The following LY75 variants were observed in gnomAD, a reference collection of about 807,000 sequenced individuals.
The protein encoded by LY75 is C-type lectin domain family 13 member B.
A neutral mutation model predicts 231.7 loss-of-function variants in LY75; 185 were observed. The observed-to-expected ratio is 0.80, with a 90% CI of 0.71 to 0.90. The LOEUF (loss-of-function observed/expected upper bound fraction) is 0.90. Among genes scored for constraint, LY75 ranks in the 40% least tolerant of loss-of-function variants. The pLI, the probability that LY75 is intolerant of heterozygous loss-of-function variation, is 0.00. For synonymous variants in LY75, 668 were observed against 689.0 expected (o/e 0.97, Z 0.48); for missense variants, 1,947 against 2,050.2 (o/e 0.95, Z 0.97).
At chr2:159,831,283 C>T (rs75846911) in intron 28 of LY75, among the ~76,000 whole-genome samples, 24,447 of 152,050 alleles carry the variant, frequency 0.16, 2,266 homozygotes, top group East Asian at 0.32. Flanking sequence ...CCTGCTCCAC[C>T]ATAGTAAAAC....
intron 12 of LY75, among the ~76,000 whole-genome samples, chr2:159,874,190 ATATATT>A (rs1685120190): frequency 2.6e-5 from 3 of 115,102 alleles, no homozygotes; most frequent in Non-Finnish European, 5.2e-5. Context: ...ATATATATAA[ATATATT>A]GTAAATATAT....
At chr2:159,874,626 A>ATGTACATATTTT (rs1466868334) in intron 12 of LY75, among the ~76,000 whole-genome samples, 1 of 15,814 alleles carries the variant, frequency 6.3e-5, no homozygotes, top group African/African-American at 2.8e-4. Flanking sequence ...ATATATATAT[A>ATGTACATATTTT]GTAAATATAT....
At chr2:159,859,613 C>T (rs1292012917) in intron 15 of LY75, among the ~76,000 whole-genome samples, 3 of 152,148 alleles carry the variant, frequency 2.0e-5, no homozygotes, top group African/African-American at 7.2e-5. Flanking sequence ...AATCAATACC[C>T]TTTCTATTTC....
Position 159,834,165 on chromosome 2 carries a change from T to G in LY75, c.3720A>C (p.Pro1240=). 1.9e-6 allele frequency: 3 copies of G among 1,614,078 alleles called. No homozygotes were observed. The highest frequency in any genetic ancestry group is 2.5e-6 in the Non-Finnish European group (3 of 1,179,950). Residue 1240 remains proline, a synonymous_variant, in exon 27 of 35, where the codon CCA becomes CCC. Transcript: ENST00000263636. The part of the protein sequence containing the change: ...EVKPVDSVKC[P]SPVLNTPWIP... ...TCCACGGAGTATTTAGAACAGGAGA[T>G]GGACATTTAACACTGTCAACTGGTT...
intron 27 of LY75, among the ~76,000 whole-genome samples, chr2:159,832,242 C>T (rs964563458): frequency 1.3e-5 from 2 of 152,170 alleles, no homozygotes; most frequent in African/African-American, 4.8e-5. Context: ...CTGTTAGGAA[C>T]CGGGCCATAC....
At chr2:159,829,933 T>C (rs1383607247) in intron 28 of LY75, among the ~76,000 whole-genome samples, 1 of 152,190 alleles carries the variant, frequency 6.6e-6, no homozygotes, top group African/African-American at 2.4e-5. Flanking sequence ...ACAATTTCAA[T>C]CTCTCTGTCC....
At chr2:159,867,234 T>G (rs1314876286) in intron 13 of LY75, among the ~76,000 whole-genome samples, 1 of 152,230 alleles carries the variant, frequency 6.6e-6, no homozygotes, top group Non-Finnish European at 1.5e-5. Flanking sequence ...CTCACTAGCA[T>G]GTCATAAATA....
rs1313355173 is a variant in LY75, at chr2:159,853,562, A to G, written c.2663+68T>C. The G allele has an allele frequency of 1.1e-5, 17 of 1,601,348 alleles. No homozygotes were observed. The Admixed American group carries it at 2.5e-4, about 24-fold the overall frequency. On this transcript the variant is annotated intron_variant, in intron 19 of 34. Transcript: ENST00000263636. ...TCAAACTACTTATAAATAGAAATCC[A>G]TTTAGTAAAAGGAACTGCTTCTTTT...
chr2:159,872,335 G>A lies in LY75; in HGVS notation c.2117+116C>T, dbSNP rs551565800. ...CTGCTAAGCACCAAATGACCTTTTAGATAATAAAACATGTCCATTTTTTTT... is the reference window on the plus strand; with the variant it reads ...CTGCTAAGCACCAAATGACCTTTTAAATAATAAAACATGTCCATTTTTTTT... On this transcript the variant is annotated intron_variant, in intron 13 of 34. Coordinates refer to ENST00000263636, the MANE Select transcript of LY75 (RefSeq NM_002349.4). The A allele has an allele frequency of 6.6e-6, 9 of 1,356,228 alleles. No individual in the cohort carries two copies. In the East Asian group the frequency reaches 2.1e-4, roughly 32 times the overall value. 84.0% of individuals were successfully genotyped at this position (1,356,228 alleles called of 1,614,324 possible). A position where few individuals can be genotyped will look rare whatever the true frequency, so the allele number is the denominator to read the frequency against.
chr2:159,900,474 C>T (rs1238222386), intron 1 of LY75, among the ~76,000 whole-genome samples: 1 of 152,166 alleles, frequency 6.6e-6, no homozygotes, highest in Non-Finnish European at 1.5e-5. Flanking sequence ...AGCAGAAAGA[C>T]CTGTAAAATT....
intron 12 of LY75, among the ~76,000 whole-genome samples, chr2:159,874,080 A>G (rs1685103154): frequency 7.2e-6 from 1 of 139,680 alleles, no homozygotes; most frequent in African/African-American, 2.6e-5. Context: ...AAAAATATAT[A>G]AACGTATATA....
At chr2:159,861,609 G>A (rs537086678) in intron 14 of LY75, among the ~76,000 whole-genome samples, 1 of 151,036 alleles carries the variant, frequency 6.6e-6, no homozygotes, top group Non-Finnish European at 1.5e-5. Context: ...TTAGCTGGAT[G>A]TGGTGGCATG....
chr2:159,854,421 C>A lies in LY75; in HGVS notation c.2534G>T (p.Ser845Ile). The A allele has an allele frequency of 6.4e-7, 1 of 1,562,822 alleles. No individual in the cohort carries two copies. Among genetic ancestry groups the A allele is most frequent in the Non-Finnish European group, 8.7e-7 (1 of 1,148,794 alleles). ...AAAAGATGTTATAGTTGCAAGAAAGCTGTGATTGCTGGCACAGTACAGGAC... is the reference window on the plus strand; with the variant it reads ...AAAAGATGTTATAGTTGCAAGAAAGATGTGATTGCTGGCACAGTACAGGAC... ...EAVLYCASNH[S>I]FLATITSFVG... The change falls in exon 18 of 35, where the codon AGC becomes ATC. Residue 845 changes from serine to isoleucine, a missense_variant. Transcript: ENST00000263636.
chr2:159,818,255 A>T (rs1683182363), intron 29 of LY75, among the ~76,000 whole-genome samples: 1 of 152,090 alleles, frequency 6.6e-6, no homozygotes, highest in Non-Finnish European at 1.5e-5. Context: ...GAAAAGAGGT[A>T]ACTTTGCAGC....
intron 31 of LY75, among the ~76,000 whole-genome samples, chr2:159,813,662 A>G (rs1162117676): frequency 6.6e-6 from 1 of 152,156 alleles, no homozygotes; most frequent in Admixed American, 6.5e-5. Context: ...TAAGGACACT[A>G]GTCATTGGAT....
rs41264209 is a variant in LY75 at position 159,853,419 on chromosome 2, G to A, written c.2664-67C>T. 9.8e-3 allele frequency: 15,343 copies of A among 1,558,918 alleles called. 109 individuals are homozygous for A. The highest frequency in any genetic ancestry group is 0.036 in the Admixed American group (2,028 of 56,472). ...GGTGTTCCATTTTTTTCTTTTTACT[G>A]TAAGTTATTTTATTTCTAAATTTAA... On this transcript the variant is annotated intron_variant, in intron 19 of 34. Coordinates refer to ENST00000263636, the MANE Select transcript of LY75 (RefSeq NM_002349.4).
chr2:159,884,987 G>A (rs569816700), intron 6 of LY75, among the ~76,000 whole-genome samples, 166 bp downstream of exon 6: 22 of 152,022 alleles, frequency 1.4e-4, no homozygotes, highest in Non-Finnish European at 2.9e-4. Flanking sequence ...ATTCATATAT[G>A]GTTGATAATA....
At position 159,809,313 on chromosome 2, in the gene LY75, A is replaced by AAAG. The variant is rs1363833551; in HGVS notation, c.4700-745_4700-743dup. ...GACTATGGATCAAATTTGTCACGGGAAAGAGCCAATCATTGCTACTCTTTC... is the reference window on the plus strand; with the variant it reads ...GACTATGGATCAAATTTGTCACGGGAAAGAAGAGCCAATCATTGCTACTCTTTC... On this transcript the variant is annotated intron_variant, in intron 32 of 34. Coordinates refer to ENST00000263636, the MANE Select transcript of LY75 (RefSeq NM_002349.4). Among the ~76,000 whole-genome samples, 3 of 152,342 alleles carry AAAG rather than the reference A, an allele frequency of 2.0e-5. No homozygotes were observed. The East Asian group carries it at 5.8e-4, about 29-fold the overall frequency.
intron 11 of LY75, among the ~76,000 whole-genome samples, chr2:159,877,009 C>CAAAAAAAAAAAAAAAAAAAAA (rs58831835): frequency 2.3e-4 from 21 of 90,512 alleles, no homozygotes; most frequent in Admixed American, 7.7e-4. Flanking sequence ...AACTCCATCT[C>CAAAAAAAAAAAAAAAAAAAAA]AAAAAAAAAA....
Sources: gnomAD v4.1 joint callset for allele counts (sites outside exome capture counted in the v4.1 genomes callset) on GRCh38, gnomAD v4.1.1 for gene constraint, MANE v1.5 for transcripts, NCBI Gene and HGNC (gene_info 2026-07-23, HGNC 2026-07-21) for gene names.